The following SNAP47 variants were observed in gnomAD, a reference collection of about 807,000 sequenced individuals.
The protein encoded by SNAP47 is synaptosome associated protein 47, also known as synaptosomal-associated protein 47.
A neutral mutation model predicts 31.4 loss-of-function variants in SNAP47; 20 were observed. The observed-to-expected ratio is 0.64, with a 90% CI of 0.45 to 0.93. The LOEUF (loss-of-function observed/expected upper bound fraction) is 0.93. Among genes scored for constraint, SNAP47 ranks in the 40% least tolerant of loss-of-function variants. SNAP47 has a pLI of 0.00. For missense variants in SNAP47, 492 were observed against 528.5 expected (o/e 0.93, Z 0.68); for synonymous variants, 194 against 213.4 (o/e 0.91, Z 0.79).
At chr1:227,774,511 G>A (rs1324891131) in intron 4 of SNAP47, among the ~76,000 whole-genome samples, 1 of 152,158 alleles carries the variant, frequency 6.6e-6, no homozygotes, top group Admixed American at 6.5e-5. Context: ...CTGAGTGTTG[G>A]GCCCTGTTCC....
At chr1:227,777,273 A>G (rs1664218496) in intron 4 of SNAP47, 1 of 271,880 alleles carries the variant, frequency 3.7e-6, no homozygotes, top group East Asian at 1.7e-4. Flanking sequence ...TAGCACGGCC[A>G]GTATCTTGGG....
At position 227,778,212 on chromosome 1, in the gene SNAP47, C is replaced by T. The variant is rs117069142; in HGVS notation, c.1114-2315C>T. 2.0e-4 allele frequency among the ~76,000 whole-genome samples: 31 copies of T among 152,340 alleles called. No homozygotes were observed. In the East Asian group the frequency reaches 5.2e-3, roughly 26 times the overall value. ...GATTTTGTTTTATTCCTTAACTTCT[C>T]TCATGTTTCCTGGTTTTCTACATGC... On this transcript the variant is annotated intron_variant, in intron 4 of 4. Transcript: ENST00000617596.
chr1:227,753,562 C>T (rs981801160), intron 2 of SNAP47, among the ~76,000 whole-genome samples: 11 of 152,166 alleles, frequency 7.2e-5, no homozygotes, highest in East Asian at 1.9e-4. Flanking sequence ...GTCCATAAGT[C>T]GCTGTTAGAT....
chr1:227,730,689 G>A (rs1444501269), upstream of SNAP47: 1 of 152,258 alleles, frequency 6.6e-6, no homozygotes, highest in Non-Finnish European at 1.5e-5. Context: ...GACTGCGGAA[G>A]CATGAGGGTC....
chr1:227,732,341 G>C, upstream of SNAP47: 1 of 1,595,194 alleles, frequency 6.3e-7, no homozygotes, highest in African/African-American at 1.3e-5. Context: ...AAGGGCCCCG[G>C]AGCAGGAGGC....
At chr1:227,733,942 G>A (rs758569837), upstream of SNAP47, 47 of 1,613,810 alleles carry the variant, frequency 2.9e-5, no homozygotes, top group Middle Eastern at 1.6e-4. Flanking sequence ...CAAAGCGGTA[G>A]TCATCCACAT....
At chr1:227,730,788 G>A (rs1473953228), upstream of SNAP47, 1 of 152,312 alleles carries the variant, frequency 6.6e-6, no homozygotes, top group Admixed American at 6.5e-5. Context: ...GTTCGCACTG[G>A]GCCCTGGCTG....
intron 1 of SNAP47, chr1:227,735,807 G>A (rs1271953845): frequency 2.4e-6 from 2 of 825,600 alleles, no homozygotes; most frequent in Non-Finnish European, 2.9e-6. Context: ...GGAGGAGATG[G>A]TGGGGACCTG....
At chr1:227,755,958 T>C (rs1333235987) in intron 2 of SNAP47, among the ~76,000 whole-genome samples, 1 of 152,252 alleles carries the variant, frequency 6.6e-6, no homozygotes, top group Non-Finnish European at 1.5e-5. Context: ...AGAAAATCTT[T>C]GAATCTACCT....
upstream of SNAP47, chr1:227,733,888 CCCACATCCGTGGCCTCA>C (rs1414621792): frequency 1.2e-6 from 2 of 1,612,570 alleles, no homozygotes; most frequent in South Asian, 2.2e-5. Flanking sequence ...GGGTTCCACT[CCCACATCCGTGGCCTCA>C]CCAGCTGCCC....
At chr1:227,756,097 G>T (rs151201864) in intron 2 of SNAP47, among the ~76,000 whole-genome samples, 1 of 152,162 alleles carries the variant, frequency 6.6e-6, no homozygotes, top group African/African-American at 2.4e-5. Context: ...GCACATGTTC[G>T]CAGGACCTCC....
chr1:227,779,465 G>A (rs1664340144), intron 4 of SNAP47, among the ~76,000 whole-genome samples: 1 of 152,116 alleles, frequency 6.6e-6, no homozygotes, highest in South Asian at 2.1e-4. Context: ...AGCTGTAGGG[G>A]CCCCCCTCAA....
Position 227,762,058 on chromosome 1 carries a change from G to A in SNAP47, c.988+2573G>A, listed in dbSNP as rs1360038683. On this transcript the variant is annotated intron_variant, in intron 3 of 4. Transcript: ENST00000617596. This position sits in a 1 kb window ranked among gnomAD's most constrained non-coding sequence, Gnocchi z 4.2. ...GTGGGTTGTAGCCACAGCGAGCACC[G>A]TCTTTTCACTTGCACAGCTGCACCC... Among the ~76,000 whole-genome samples the A allele has an allele frequency of 1.3e-5, 2 of 152,226 alleles. No homozygotes were observed. The highest frequency in any genetic ancestry group is 2.9e-5 in the Non-Finnish European group (2 of 68,032).
upstream of SNAP47, chr1:227,732,973 T>C (rs1185896020): frequency 6.2e-7 from 1 of 1,612,794 alleles, no homozygotes; most frequent in Non-Finnish European, 8.5e-7. Flanking sequence ...AAGCGCCACA[T>C]GTTGGCCAGG....
chr1:227,760,515 G>A (rs958513026), intron 3 of SNAP47, among the ~76,000 whole-genome samples: 8 of 152,310 alleles, frequency 5.3e-5, no homozygotes, highest in East Asian at 3.9e-4. Context: ...CCTGGGGGCC[G>A]GGCTGAGGGG....
At chr1:227,775,654 C>T (rs1664114523) in intron 4 of SNAP47, 10 of 839,906 alleles carry the variant, frequency 1.2e-5, no homozygotes, top group Non-Finnish European at 1.7e-5. Context: ...CCTAATGGTG[C>T]GCGCATGGAC....
At chr1:227,745,948 A>G (rs1030769031) in intron 1 of SNAP47, 3 of 152,226 alleles carry the variant, frequency 2.0e-5, no homozygotes, top group Non-Finnish European at 2.9e-5. Flanking sequence ...CATCCCATCC[A>G]CATCCACCCA....
chr1:227,733,039 A>G (rs951877475), upstream of SNAP47: 2 of 1,613,140 alleles, frequency 1.2e-6, no homozygotes, highest in African/African-American at 2.7e-5. Flanking sequence ...TGGAAGGGGC[A>G]CAGTGCAGGC....
upstream of SNAP47, chr1:227,733,717 G>C (rs1315844453): frequency 1.3e-6 from 2 of 1,598,084 alleles, no homozygotes; most frequent in African/African-American, 2.7e-5. Flanking sequence ...ATGCCTGTAG[G>C]GGCTGGTATG....
Sources: allele counts gnomAD v4.1 joint callset (sites outside exome capture counted in the v4.1 genomes callset), GRCh38; gene constraint gnomAD v4.1.1; non-coding constraint Gnocchi (gnomAD v3.1); transcripts MANE v1.5; gene names NCBI Gene and HGNC (gene_info 2026-07-23, HGNC 2026-07-21).